The following PRUNE2 variants were observed in gnomAD, a reference collection of about 807,000 sequenced individuals.
The protein encoded by PRUNE2 is prune homolog 2 with BCH domain.
In PRUNE2, 164 loss-of-function variants were observed where a neutral mutation model predicts 252.0. That is an observed-to-expected ratio of 0.65 (90% CI 0.57 to 0.74). The LOEUF (loss-of-function observed/expected upper bound fraction) is 0.74. Among genes scored for constraint, PRUNE2 ranks in the 30% least tolerant of loss-of-function variants. The pLI is 0.00. For missense variants in PRUNE2, 3,495 were observed against 3,711.0 expected (o/e 0.94, Z 1.51); for synonymous variants, 1,292 against 1,350.2 (o/e 0.96, Z 0.94).
chr9:76,619,778 T>C (rs558089512), intron 17 of PRUNE2, among the ~76,000 whole-genome samples: 2 of 152,308 alleles, frequency 1.3e-5, no homozygotes, highest in South Asian at 4.1e-4. Context: ...ATGAACACAG[T>C]TAATTTTCAG....
chr9:76,850,230 A>G (rs976763394), intron 3 of PRUNE2, among the ~76,000 whole-genome samples: 3 of 152,106 alleles, frequency 2.0e-5, no homozygotes, highest in Non-Finnish European at 4.4e-5. Context: ...TATTTTTAGT[A>G]GAGACAAGGT....
chr9:76,655,287 C>A, intron 10 of PRUNE2, 136 bp downstream of exon 10: 1 of 723,564 alleles, frequency 1.4e-6, no homozygotes, highest in Non-Finnish European at 2.4e-6. Flanking sequence ...ACCTTCATAT[C>A]ACACATTTCT....
intron 6 of PRUNE2, among the ~76,000 whole-genome samples, chr9:76,801,494 T>G (rs1037749972): frequency 6.6e-6 from 1 of 151,702 alleles, no homozygotes; most frequent in African/African-American, 2.4e-5. Context: ...GCCTTTTTTT[T>G]GAAATGAGCA....
intron 6 of PRUNE2, among the ~76,000 whole-genome samples, chr9:76,775,174 T>G (rs2053602866): frequency 6.6e-6 from 1 of 152,236 alleles, no homozygotes; most frequent in African/African-American, 2.4e-5. Context: ...ACTAACCATC[T>G]GTGTGAAACA....
At chr9:76,778,071 T>C (rs759546370) in intron 6 of PRUNE2, among the ~76,000 whole-genome samples, 1 of 152,204 alleles carries the variant, frequency 6.6e-6, no homozygotes, top group Admixed American at 6.5e-5. Flanking sequence ...TGGCTGCACA[T>C]TAGATTTATT....
At chr9:76,645,982 A>AT (rs1427941286) in intron 11 of PRUNE2, among the ~76,000 whole-genome samples, 1 of 152,236 alleles carries the variant, frequency 6.6e-6, no homozygotes, top group Non-Finnish European at 1.5e-5. Context: ...TTGGCATTAT[A>AT]TGCAAAAACT....
At chr9:76,653,729 C>A (rs564796026) in intron 10 of PRUNE2, among the ~76,000 whole-genome samples, 1 of 150,478 alleles carries the variant, frequency 6.6e-6, no homozygotes, top group African/African-American at 2.5e-5. Flanking sequence ...TTTACCTGGC[C>A]GAAGTATCCT....
At position 76,706,007 on chromosome 9, in the gene PRUNE2, G is replaced by T; in HGVS notation, c.6267C>A (p.Ile2089=). The T allele has an allele frequency of 6.2e-7, 1 of 1,614,004 alleles. No homozygotes were observed. Among genetic ancestry groups the T allele is most frequent in the Non-Finnish European group, 8.5e-7 (1 of 1,179,896 alleles). The change falls in exon 8 of 19, where the codon ATC becomes ATA. Residue 2089 remains isoleucine (I), a synonymous_variant. Coordinates refer to ENST00000376718, the MANE Select transcript of PRUNE2 (RefSeq NM_015225.3). ...TGCTGTCATGTTCGCAGTGCGTCAG[G>T]ATATCAGGATTCTCACCATCTGCTT... is the stretch of plus-strand genomic sequence containing the variant. The part of the protein sequence containing the change: ...SLKADGENPD[I]LTHCEHDSNS...
At chr9:76,676,711 T>G (rs768483134) in intron 9 of PRUNE2, among the ~76,000 whole-genome samples, 1 of 152,208 alleles carries the variant, frequency 6.6e-6, no homozygotes, top group Non-Finnish European at 1.5e-5. Flanking sequence ...CAAGTTAATG[T>G]TAGAAAAAAA....
intron 1 of PRUNE2, among the ~76,000 whole-genome samples, chr9:76,883,662 T>G (rs558143216): frequency 6.6e-6 from 1 of 152,238 alleles, no homozygotes; most frequent in East Asian, 1.9e-4. Flanking sequence ...AAGGAGGCAC[T>G]TGACTGACGC....
At chr9:76,700,908 T>G (rs1180287425) in intron 9 of PRUNE2, among the ~76,000 whole-genome samples, 1 of 152,202 alleles carries the variant, frequency 6.6e-6, no homozygotes, top group Non-Finnish European at 1.5e-5. Context: ...CAACAGCAAA[T>G]AGCCTGTAGT....
rs1831084353 is a variant in PRUNE2 at position 76,619,301 on chromosome 9, C to T, written c.9236+39G>A. On this transcript the variant is annotated intron_variant, in intron 18 of 18. Transcript: ENST00000376718. ...TTCAGAGCCCAGCCATACAACACTACAAGTAACCACATAGCTGTTATTGAT... is the reference window on the plus strand; with the variant it reads ...TTCAGAGCCCAGCCATACAACACTATAAGTAACCACATAGCTGTTATTGAT... 2.9e-6 allele frequency: 4 copies of T among 1,399,726 alleles called. No homozygotes were observed. In the East Asian group the frequency reaches 9.2e-5, roughly 32 times the overall value. The allele number at this position is 1,399,726 out of a possible 1,614,324, so 86.7% of individuals were successfully genotyped here.
Position 76,899,886 on chromosome 9 carries a change from A to C in PRUNE2, c.36+6042T>G, listed in dbSNP as rs1046076095. On this transcript the variant is annotated intron_variant, in intron 1 of 18. Coordinates refer to ENST00000376718, the MANE Select transcript of PRUNE2 (RefSeq NM_015225.3). ...GAGAGCTGGAGGAAAAGCCAGAAAGAAGCTGGATAGCAGATCAGGTCATAC... is the reference window on the plus strand; with the variant it reads ...GAGAGCTGGAGGAAAAGCCAGAAAGCAGCTGGATAGCAGATCAGGTCATAC... Among the ~76,000 whole-genome samples, 4 of 152,186 alleles carry C rather than the reference A, an allele frequency of 2.6e-5. No individual in the cohort carries two copies. The South Asian group carries it at 8.3e-4, about 32-fold the overall frequency.
chr9:76,635,582 T>C (rs1839720162), intron 15 of PRUNE2, among the ~76,000 whole-genome samples: 1 of 152,054 alleles, frequency 6.6e-6, no homozygotes, highest in Non-Finnish European at 1.5e-5. Flanking sequence ...GAATAATAAA[T>C]AAATATAACT....
At chr9:76,729,521 T>C (rs575090833) in intron 6 of PRUNE2, among the ~76,000 whole-genome samples, 3 of 152,336 alleles carry the variant, frequency 2.0e-5, no homozygotes, top group Admixed American at 1.3e-4. Flanking sequence ...GCTTCTACTT[T>C]GCTTGGCTCT....
rs2134926269 is a variant in PRUNE2 at position 76,708,281 on chromosome 9, C to A, written c.3993G>T (p.Gln1331His). The A allele has an allele frequency of 1.2e-6, 2 of 1,613,824 alleles. No individual in the cohort carries two copies. Among genetic ancestry groups the A allele is most frequent in the Non-Finnish European group, 1.7e-6 (2 of 1,179,878 alleles). The change falls in exon 8 of 19, where the codon CAG (glutamine) becomes CAT (histidine). Residue 1331 changes from glutamine (Q) to histidine (H), a missense_variant. Gln to His is a conservative substitution (Grantham distance 24, BLOSUM62 0). Transcript: ENST00000376718. ...DGQSESEKEAQGATDRGHLDE... is the reference protein window; with the variant it reads ...DGQSESEKEAHGATDRGHLDE... The stretch of plus-strand genomic sequence containing the variant: ...CAAGGTGCCCCCTGTCAGTGGCTCC[C>A]TGGGCTTCCTTCTCACTTTCACTTT...
intron 1 of PRUNE2, among the ~76,000 whole-genome samples, chr9:76,881,055 C>A (rs2061750886): frequency 6.6e-6 from 1 of 151,490 alleles, no homozygotes; most frequent in African/African-American, 2.4e-5. Flanking sequence ...CCACCTCCCT[C>A]CCCCTGGGTT....
intron 16 of PRUNE2, 68 bp downstream of exon 16, chr9:76,629,124 T>C: frequency 3.1e-6 from 3 of 952,810 alleles, no homozygotes; most frequent in Non-Finnish European, 4.8e-6. Flanking sequence ...ATTACAGGCG[T>C]GAGCCACCAC....
chr9:76,882,795 C>A (rs1175678190), intron 1 of PRUNE2, among the ~76,000 whole-genome samples: 1 of 152,128 alleles, frequency 6.6e-6, no homozygotes, highest in Non-Finnish European at 1.5e-5. Flanking sequence ...TACAATTCCA[C>A]ACGAAATTGG....
Sources: allele counts gnomAD v4.1 joint callset (sites outside exome capture counted in the v4.1 genomes callset), GRCh38; gene constraint gnomAD v4.1.1; transcripts MANE v1.5; gene names NCBI Gene and HGNC (gene_info 2026-07-23, HGNC 2026-07-21).